SDC2: variants seen among roughly 807,000 people sequenced by gnomAD.
SDC2 encodes syndecan-2.
A neutral mutation model predicts 22.2 loss-of-function variants in SDC2; 13 were observed. The ratio of observed to expected loss-of-function variants is 0.59; its 90% CI spans 0.38 to 0.93. SDC2 has a LOEUF of 0.93. Among genes scored for constraint, SDC2 ranks in the 40% least tolerant of loss-of-function variants. The pLI, the probability that SDC2 is intolerant of heterozygous loss-of-function variation, is 0.00. For missense variants in SDC2, 235 were observed against 246.8 expected (o/e 0.95, Z 0.32); for synonymous variants, 94 against 92.8 (o/e 1.01, Z -0.07).
chr8:96,580,539 C>A (rs1021893991), intron 1 of SDC2: 2 of 984,756 alleles, frequency 2.0e-6, no homozygotes, highest in African/African-American at 3.5e-5. Context: ...ATAATAAACT[C>A]CACTCTGTGG....
At chr8:96,517,943 T>C (rs1038239593) in intron 1 of SDC2, among the ~76,000 whole-genome samples, 4 of 152,156 alleles carry the variant, frequency 2.6e-5, no homozygotes. Flanking sequence ...CCCTCCTGCC[T>C]CAGCTGAGCT....
intron 1 of SDC2, among the ~76,000 whole-genome samples, chr8:96,578,972 G>GT (rs1345651450): frequency 5.3e-4 from 81 of 152,326 alleles, no homozygotes; most frequent in African/African-American, 1.9e-3. Context: ...ACCTGAATGC[G>GT]TATCAGACAC....
intron 1 of SDC2, among the ~76,000 whole-genome samples, chr8:96,502,548 T>C (rs1213387880): frequency 3.2e-5 from 3 of 93,614 alleles, no homozygotes; most frequent in Non-Finnish European, 8.2e-5. Flanking sequence ...TCTCCTCATA[T>C]GGTTTCTGGC....
chr8:96,525,229 G>C (rs959974075), intron 1 of SDC2, among the ~76,000 whole-genome samples: 26 of 152,186 alleles, frequency 1.7e-4, no homozygotes, highest in Non-Finnish European at 2.9e-5. Context: ...CTTAGGGCAG[G>C]AACTGGCACT....
chr8:96,609,683 G>A lies in SDC2; in HGVS notation c.*135G>A. 1.8e-6 allele frequency: 1 copy of A among 555,492 alleles called. No individual in the cohort carries two copies. The allele number at this position is 555,492 out of a possible 1,614,324, so 34.4% of individuals were successfully genotyped here. On this transcript the variant is annotated 3_prime_UTR_variant, in exon 5 of 5. Coordinates refer to ENST00000302190, the MANE Select transcript of SDC2 (RefSeq NM_002998.4). ...GGCACTTTAATGATAAAATCCCATT[G>A]TATTTAAAACATTTCATGTATTTCT...
chr8:96,592,651 C>G (rs978755405), intron 1 of SDC2, among the ~76,000 whole-genome samples: 5 of 152,216 alleles, frequency 3.3e-5, no homozygotes, highest in African/African-American at 1.2e-4. Flanking sequence ...TAATACTAAA[C>G]TCTTACTGAA....
chr8:96,586,088 A>G (rs1814681544), intron 1 of SDC2, among the ~76,000 whole-genome samples: 1 of 152,172 alleles, frequency 6.6e-6, no homozygotes, highest in Non-Finnish European at 1.5e-5. Flanking sequence ...AATGTTTTCC[A>G]AAGACCAGAG....
At chr8:96,503,882 C>A (rs909204214) in intron 1 of SDC2, among the ~76,000 whole-genome samples, 2 of 152,062 alleles carry the variant, frequency 1.3e-5, no homozygotes, top group Non-Finnish European at 2.9e-5. Flanking sequence ...ATGTCAAAAC[C>A]AGACAAGAAG....
intron 1 of SDC2, among the ~76,000 whole-genome samples, chr8:96,586,813 C>G (rs1814694773): frequency 6.6e-6 from 1 of 152,224 alleles, no homozygotes; most frequent in Non-Finnish European, 1.5e-5. Context: ...TTCATTCCCA[C>G]TCTGTGGAAG....
At chr8:96,576,741 T>C (rs1334445441) in intron 1 of SDC2, among the ~76,000 whole-genome samples, 5 of 152,146 alleles carry the variant, frequency 3.3e-5, no homozygotes, top group African/African-American at 9.7e-5. Flanking sequence ...ATACAGCTTT[T>C]TTTTGTTGTT....
At chr8:96,537,528 T>C (rs1256686893) in intron 1 of SDC2, 1 of 152,198 alleles carries the variant, frequency 6.6e-6, no homozygotes, top group Non-Finnish European at 1.5e-5. Flanking sequence ...GCATTTTCTT[T>C]TGCGGGAAAT....
intron 1 of SDC2, among the ~76,000 whole-genome samples, chr8:96,513,295 A>C (rs1006587647): frequency 6.6e-6 from 1 of 152,242 alleles, no homozygotes; most frequent in Non-Finnish European, 1.5e-5. Context: ...TGTGTATTCC[A>C]TTAATAAGAT....
At chr8:96,581,180 T>G (rs952785490) in intron 1 of SDC2, among the ~76,000 whole-genome samples, 1 of 152,220 alleles carries the variant, frequency 6.6e-6, no homozygotes, top group Non-Finnish European at 1.5e-5. Context: ...TCAGCCTCAT[T>G]CGGGGGCAAA....
intron 1 of SDC2, among the ~76,000 whole-genome samples, chr8:96,521,489 C>T (rs1813496774): frequency 6.6e-6 from 1 of 152,134 alleles, no homozygotes; most frequent in African/African-American, 2.4e-5. Flanking sequence ...TGGATCAGGG[C>T]AGCCTTGGAG....
intron 1 of SDC2, among the ~76,000 whole-genome samples, chr8:96,534,729 G>A (rs1030136886): frequency 2.6e-5 from 4 of 151,924 alleles, no homozygotes; most frequent in African/African-American, 9.7e-5. Context: ...GAGCCACTGT[G>A]CCTGGCTGGC....
intron 1 of SDC2, among the ~76,000 whole-genome samples, chr8:96,556,034 TCACA>T (rs35496391): frequency 3.5e-5 from 5 of 143,576 alleles, no homozygotes; most frequent in Non-Finnish European, 7.5e-5. Context: ...TATTAGAATA[TCACA>T]CACACACACA....
chr8:96,595,064 AGAG>A (rs1278360802), intron 2 of SDC2, among the ~76,000 whole-genome samples: 1 of 152,248 alleles, frequency 6.6e-6, no homozygotes, highest in Non-Finnish European at 1.5e-5. Context: ...AAAAAAGGGA[AGAG>A]CTTTCCACAT....
chr8:96,514,450 A>G (rs1449205806), intron 1 of SDC2, among the ~76,000 whole-genome samples: 2 of 152,088 alleles, frequency 1.3e-5, no homozygotes, highest in South Asian at 2.1e-4. Flanking sequence ...TGACCAGGCA[A>G]CCCTTCTTCG....
chr8:96,564,368 G>A (rs1375470920), intron 1 of SDC2, among the ~76,000 whole-genome samples: 1 of 152,212 alleles, frequency 6.6e-6, no homozygotes, highest in East Asian at 1.9e-4. Flanking sequence ...GGGATGGGAT[G>A]TCCAAGGGTG....
Sources: allele counts gnomAD v4.1 joint callset (sites outside exome capture counted in the v4.1 genomes callset), GRCh38; gene constraint gnomAD v4.1.1; transcripts MANE v1.5; gene names NCBI Gene and HGNC (gene_info 2026-07-23, HGNC 2026-07-21).